The following MAP1S variants were observed in gnomAD, a reference collection of about 807,000 sequenced individuals.
The protein encoded by MAP1S is microtubule associated protein 1S.
Under a neutral mutation model 60.9 loss-of-function variants are expected in MAP1S, and 27 were observed. The ratio of observed to expected loss-of-function variants is 0.44; its 90% CI spans 0.33 to 0.61. MAP1S has a LOEUF of 0.61. MAP1S is among the 20% of genes least tolerant of loss of function. The pLI is 0.03. For missense variants in MAP1S, 1,608 were observed against 1,486.6 expected (o/e 1.08, Z -1.34); for synonymous variants, 826 against 694.2 (o/e 1.19, Z -2.98).
In MAP1S at chr19:17,734,328, C is replaced by T. The variant is rs1429154460; in HGVS notation, c.3080C>T (p.Thr1027Met). 3.7e-6 allele frequency: 6 copies of T among 1,613,796 alleles called. No individual in the cohort carries two copies. Among genetic ancestry groups the T allele is most frequent in the East Asian group, 2.2e-5 (1 of 44,878 alleles). ...GCCATGCATACGTGGTACGCAGAGA[C>T]GCACGCCCGGCACCAGGCGCTGGGC... ...SVAMHTWYAETHARHQALGIT... is the reference protein window; with the variant it reads ...SVAMHTWYAEMHARHQALGIT... The change falls in exon 7 of 7, where the codon ACG becomes ATG. Residue 1027 changes from threonine (T) to methionine (M), a missense_variant. Coordinates refer to ENST00000324096, the MANE Select transcript of MAP1S (RefSeq NM_018174.6).
intron 5 of MAP1S, among the ~76,000 whole-genome samples, chr19:17,729,231 A>G (rs942398675): frequency 1.4e-4 from 22 of 152,160 alleles, no homozygotes; most frequent in African/African-American, 5.3e-4. Flanking sequence ...TCCAGTAGCA[A>G]GTTGTAACAG....
At chr19:17,719,839 G>A (rs749069206) in intron 1 of MAP1S, 50 of 161,904 alleles carry the variant, frequency 3.1e-4, no homozygotes, top group Non-Finnish European at 5.4e-4. Flanking sequence ...TGGCATCCGG[G>A]CCTGGGCTGG....
chr19:17,727,159 G>GC lies in MAP1S; in HGVS notation c.1782dup (p.Ser595GlnfsTer48), dbSNP rs774987060. 14 of 1,588,122 alleles carry GC rather than the reference G, an allele frequency of 8.8e-6. No homozygotes were observed. Among genetic ancestry groups the GC allele is most frequent in the East Asian group, 2.3e-5 (1 of 43,678 alleles). ...CCCAGCCTCCGATGTGGAGAAGCCAGCCCCCCCAGTGCAGCCTGCGGCTCT... is the reference window on the plus strand; with the variant it reads ...CCCAGCCTCCGATGTGGAGAAGCCAGCCCCCCCCAGTGCAGCCTGCGGCTCT... On this transcript the variant is annotated frameshift_variant, in exon 5 of 7. Transcript: ENST00000324096. LOFTEE classifies it high-confidence loss of function. The surrounding 1 kb of genome is among the most constrained non-coding windows in gnomAD (Gnocchi z 4.1).
At chr19:17,720,273 A>G (rs1183747790) in intron 1 of MAP1S, 1 of 1,419,334 alleles carries the variant, frequency 7.0e-7, no homozygotes. Context: ...GAGCATCTGG[A>G]CCTGGCGTTT....
At position 17,725,256 on chromosome 19, in the gene MAP1S, T is replaced by C; in HGVS notation, c.444+67T>C. 6.5e-7 allele frequency: 1 copy of C among 1,531,026 alleles called. No homozygotes were observed. Among genetic ancestry groups the C allele is most frequent in the Non-Finnish European group, 8.8e-7 (1 of 1,136,354 alleles). 94.8% of individuals were successfully genotyped at this position (1,531,026 alleles called of 1,614,324 possible). On this transcript the variant is annotated intron_variant, in intron 4 of 6. Coordinates refer to ENST00000324096, the MANE Select transcript of MAP1S (RefSeq NM_018174.6). This position sits in a 1 kb window ranked among gnomAD's most constrained non-coding sequence, Gnocchi z 4.2. ...ATCCTGACTGGGGTGTATCAGGCTG[T>C]GTGGCACCAGCGACCTGCTGTTTTC...
At chr19:17,723,291 A>G (rs1018395026) in intron 2 of MAP1S, among the ~76,000 whole-genome samples, 1 of 152,216 alleles carries the variant, frequency 6.6e-6, no homozygotes, top group Non-Finnish European at 1.5e-5. Flanking sequence ...TCAAGTCTGT[A>G]ATCCCAGCAC....
rs199536929 is a variant in MAP1S, at chr19:17,734,358, C to T, written c.3110C>T (p.Thr1037Met). ...THARHQALGI[T>M]VLGSNSMVSM... ...GCCCGGCACCAGGCGCTGGGCATCACGGTGTTGGGCAGCAACAGCATGGTG... is the reference window on the plus strand; with the variant it reads ...GCCCGGCACCAGGCGCTGGGCATCATGGTGTTGGGCAGCAACAGCATGGTG... Residue 1037 changes from threonine (T) to methionine (M), a missense_variant, in exon 7 of 7, where the codon ACG (threonine) becomes ATG (methionine). Thr to Met is a moderately conservative substitution (Grantham distance 81, BLOSUM62 -1). Coordinates refer to ENST00000324096, the MANE Select transcript of MAP1S (RefSeq NM_018174.6). 2.3e-5 allele frequency: 37 copies of T among 1,613,820 alleles called. No homozygotes were observed. Among genetic ancestry groups the T allele is most frequent in the African/African-American group, 5.3e-5 (4 of 75,040 alleles).
rs1480352285 is a variant in MAP1S at position 17,727,824 on chromosome 19, G to C, written c.2440G>C (p.Glu814Gln). 6.2e-6 allele frequency: 10 copies of C among 1,613,332 alleles called. No homozygotes were observed. The highest frequency in any genetic ancestry group is 8.5e-6 in the Non-Finnish European group (10 of 1,179,876). Residue 814 changes from glutamate (E) to glutamine (Q), a missense_variant, in exon 5 of 7, where the codon GAG becomes CAG. Glu to Gln is a conservative substitution (Grantham distance 29). This residue lies in a region of MAP1S where 1,167 missense variants were observed against 961.4 expected (regional missense o/e 1.21). Transcript: ENST00000324096. This position sits in a 1 kb window ranked among gnomAD's most constrained non-coding sequence, Gnocchi z 4.1. ...TGCGGCAGACTCAGACGAAGACACA[G>C]AGGGCTTTGGAGTCCCTCGCCACGA... ...PGAADSDEDT[E>Q]GFGVPRHDPL...
chr19:17,721,048 G>A lies in MAP1S; in HGVS notation c.220+11G>A. 1 of 1,611,660 alleles carries A rather than the reference G, an allele frequency of 6.2e-7. No homozygotes were observed. The highest frequency in any genetic ancestry group is 8.5e-7 in the Non-Finnish European group (1 of 1,177,736). ...CCAGCATTGTGAAAGGTGAGGCTGG[G>A]GTCCCCCTGACTGCTCCCTACCTCT... is the stretch of plus-strand genomic sequence containing the variant. On this transcript the variant is annotated intron_variant, in intron 2 of 6. Coordinates refer to ENST00000324096, the MANE Select transcript of MAP1S (RefSeq NM_018174.6).
Position 17,733,541 on chromosome 19 carries a change from C to T in MAP1S, c.3024+113C>T, listed in dbSNP as rs985499843. 18 of 840,012 alleles carry T rather than the reference C, an allele frequency of 2.1e-5. No individual in the cohort carries two copies. The African/African-American group carries it at 2.3e-4, about 11-fold the overall frequency. The allele number at this position is 840,012 out of a possible 1,614,324, so 52.0% of individuals were successfully genotyped here. A position where few individuals can be genotyped will look rare whatever the true frequency, so the allele number is the denominator to read the frequency against. On this transcript the variant is annotated intron_variant, in intron 6 of 6. Coordinates refer to ENST00000324096, the MANE Select transcript of MAP1S (RefSeq NM_018174.6). ...TCCCCAGGCCACACGGGAATGGGGG[C>T]GAATGTGGGAGTCTCACATGGCTCA... is the stretch of plus-strand genomic sequence containing the variant.
intron 5 of MAP1S, chr19:17,732,989 C>T (rs752622413): frequency 9.1e-5 from 49 of 540,220 alleles, no homozygotes; most frequent in Middle Eastern, 4.8e-4. Flanking sequence ...GAGTTTGTGA[C>T]GAGCCTGGGC....
chr19:17,721,212 C>G (rs1156575116), intron 2 of MAP1S, 175 bp downstream of exon 2: 8 of 652,494 alleles, frequency 1.2e-5, no homozygotes, highest in Non-Finnish European at 2.2e-5. Flanking sequence ...CTCAGCAACC[C>G]ACAGTGCAGG....
In MAP1S at chr19:17,724,158, C is replaced by T. The variant is rs2145973013; in HGVS notation, c.253C>T (p.Leu85=). The change falls in exon 3 of 7, where the codon CTG becomes TTG. Residue 85 remains leucine, a synonymous_variant. Transcript: ENST00000324096. ...QRSLHHRGDN[L]ETLVLLNPSD... is the part of the protein sequence containing the mutation. Reference sequence around the variant, plus strand: ...GAGCCTGCACCACCGTGGAGACAACCTGGAGACCCTGGTCCTCCTGAACCC... The same window carrying T: ...GAGCCTGCACCACCGTGGAGACAACTTGGAGACCCTGGTCCTCCTGAACCC... 1.2e-6 allele frequency: 2 copies of T among 1,613,994 alleles called. No individual in the cohort carries two copies. The highest frequency in any genetic ancestry group is 1.6e-4 in the Middle Eastern group (1 of 6,062).
chr19:17,726,556 G>C lies in MAP1S; in HGVS notation c.1172G>C (p.Gly391Ala). ...PTVLFEKMGV[G>A]RLDMYVLHPP... The stretch of plus-strand genomic sequence containing the variant: ...GTGCTCTTCGAGAAGATGGGCGTGG[G>C]CCGGCTGGACATGTATGTGCTGCAC... Residue 391 changes from glycine (G) to alanine (A), a missense_variant, in exon 5 of 7, where the codon GGC (glycine) becomes GCC (alanine). Physicochemically the swap from Gly to Ala is moderately conservative, Grantham distance 60. Around this residue, in one of 4 missense-constraint regions of MAP1S, gnomAD observed 1,167 missense variants for 961.4 expected, o/e 1.21. Transcript: ENST00000324096. The C allele has an allele frequency of 6.4e-7, 1 of 1,573,332 alleles. No individual in the cohort carries two copies.
chr19:17,732,839 TGA>T (rs1348565949), intron 5 of MAP1S, among the ~76,000 whole-genome samples: 3 of 152,128 alleles, frequency 2.0e-5, no homozygotes, highest in African/African-American at 7.2e-5. Flanking sequence ...TGGCTGGGGA[TGA>T]GTCAGGCTCT....
chr19:17,725,971 A>AC lies in MAP1S; in HGVS notation c.593dup (p.Ala199GlyfsTer7), dbSNP rs757143747. On this transcript the variant is annotated frameshift_variant, in exon 5 of 7. Transcript: ENST00000324096. LOFTEE classifies it high-confidence loss of function. The surrounding 1 kb of genome is among the most constrained non-coding windows in gnomAD (Gnocchi z 4.2). ...GCGCTCCGGCTCCAGCTGCGGCTGA[A>AC]CCCCCCGGCGCAGCTGCCCAACTCT... 1.6e-5 allele frequency: 25 copies of AC among 1,610,412 alleles called. No individual in the cohort carries two copies. Among genetic ancestry groups the AC allele is most frequent in the African/African-American group, 2.7e-5 (2 of 74,246 alleles).
chr19:17,727,048 A>T lies in MAP1S; in HGVS notation c.1664A>T (p.Asn555Ile). The change falls in exon 5 of 7, where the codon AAT becomes ATT. Residue 555 changes from asparagine (N) to isoleucine (I), a missense_variant. Transcript: ENST00000324096. This position sits in a 1 kb window ranked among gnomAD's most constrained non-coding sequence, Gnocchi z 4.1. ...ASSVPNLKKT[N>I]AQAAPKPRKA... ...TCTGTGCCCAACCTCAAGAAGACGA[A>T]TGCCCAGGCGGCACCCAAGCCCCGC... The T allele has an allele frequency of 6.2e-7, 1 of 1,606,262 alleles. No individual in the cohort carries two copies. The highest frequency in any genetic ancestry group is 8.5e-7 in the Non-Finnish European group (1 of 1,177,546).
chr19:17,726,901 C>G lies in MAP1S; in HGVS notation c.1517C>G (p.Pro506Arg). The change falls in exon 5 of 7, where the codon CCA becomes CGA. Residue 506 changes from proline to arginine, a missense_variant. Physicochemically the swap from Pro to Arg is moderately radical, Grantham distance 103. Around this residue, in one of 4 missense-constraint regions of MAP1S, gnomAD observed 1,167 missense variants for 961.4 expected, o/e 1.21. Transcript: ENST00000324096. The part of the protein sequence containing the change: ...QERPGVARKE[P>R]ARAEAPRKTE... ...CGCCCTGGGGTGGCCCGCAAGGAGC[C>G]AGCACGGGCTGAGGCCCCACGCAAG... The G allele has an allele frequency of 6.4e-7, 1 of 1,561,048 alleles. No individual in the cohort carries two copies. The highest frequency in any genetic ancestry group is 1.9e-5 in the Admixed American group (1 of 51,748).
intron 5 of MAP1S, among the ~76,000 whole-genome samples, chr19:17,731,477 T>G (rs979945879): frequency 6.6e-6 from 1 of 152,226 alleles, no homozygotes; most frequent in South Asian, 2.1e-4. Flanking sequence ...TCTGTCTTTA[T>G]GCCAGTGCCA....
Sources: allele counts gnomAD v4.1 joint callset (sites outside exome capture counted in the v4.1 genomes callset), GRCh38; gene constraint gnomAD v4.1.1; regional missense constraint gnomAD v4.1.1; non-coding constraint Gnocchi (gnomAD v3.1); transcripts MANE v1.5; gene names NCBI Gene and HGNC (gene_info 2026-07-23, HGNC 2026-07-21).